The following NAV3 variants were observed in gnomAD, a reference collection of about 807,000 sequenced individuals.
The protein encoded by NAV3 is pore membrane and/or filament interacting like protein 1.
NAV3 carries 87 observed loss-of-function variants against 244.7 expected under a neutral mutation model. The observed-to-expected ratio is 0.36, with a 90% CI of 0.30 to 0.42. The LOEUF (loss-of-function observed/expected upper bound fraction) is 0.42, where lower values mean the gene tolerates loss of function less well. Among genes scored for constraint, NAV3 ranks in the 20% least tolerant of loss-of-function variants. The pLI is 1.00. For missense variants in NAV3, 2,663 were observed against 2,893.3 expected, an observed-to-expected ratio of 0.92 and a Z score of 1.83; for synonymous variants, 1,126 against 1,042.2, an observed-to-expected ratio of 1.08 and a Z score of -1.55.
intron 2 of NAV3, among the ~76,000 whole-genome samples, chr12:77,579,336 C>T (rs1395784266): frequency 1.3e-5 from 2 of 152,180 alleles, no homozygotes; most frequent in East Asian, 3.9e-4. Flanking sequence ...AGTGGTGGTG[C>T]CCATGACTCT....
intron 2 of NAV3, among the ~76,000 whole-genome samples, chr12:77,648,515 C>A (rs1253050088): frequency 1.3e-5 from 2 of 152,004 alleles, no homozygotes; most frequent in African/African-American, 4.8e-5. Flanking sequence ...CTAGTTGAAC[C>A]AGGGCCAAAC....
chr12:77,689,001 G>A (rs1167914719), intron 2 of NAV3, among the ~76,000 whole-genome samples: 7 of 151,902 alleles, frequency 4.6e-5, no homozygotes, highest in African/African-American at 1.7e-4. Flanking sequence ...AGGATAATAG[G>A]AAGTGGGTAA....
At chr12:77,766,424 T>G (rs1869755039) in intron 2 of NAV3, among the ~76,000 whole-genome samples, 1 of 152,190 alleles carries the variant, frequency 6.6e-6, no homozygotes, top group East Asian at 1.9e-4. Flanking sequence ...GGCTCACACT[T>G]TCTCTAGTGG....
chr12:77,655,199 A>C (rs2137007941), intron 2 of NAV3, among the ~76,000 whole-genome samples: 1 of 152,276 alleles, frequency 6.6e-6, no homozygotes, highest in Admixed American at 6.5e-5. Flanking sequence ...AAGAAGATAA[A>C]AACTTTGAAA....
chr12:78,034,535 TC>T (rs1167825331), intron 9 of NAV3, among the ~76,000 whole-genome samples: 1 of 152,174 alleles, frequency 6.6e-6, no homozygotes, highest in African/African-American at 2.4e-5. Context: ...GTATAAGCAG[TC>T]TTGAATAAGG....
intron 2 of NAV3, among the ~76,000 whole-genome samples, chr12:77,602,208 T>C (rs1870465836): frequency 6.6e-6 from 1 of 151,946 alleles, no homozygotes; most frequent in South Asian, 2.1e-4. Flanking sequence ...CTGGGAATTA[T>C]AGTCTCCAGT....
chr12:77,711,297 G>A (rs1274788678), intron 2 of NAV3, among the ~76,000 whole-genome samples: 1 of 152,210 alleles, frequency 6.6e-6, no homozygotes, highest in African/African-American at 2.4e-5. Flanking sequence ...GTGGATTGAA[G>A]TGGAGGCTTT....
intron 2 of NAV3, among the ~76,000 whole-genome samples, chr12:77,816,871 C>T (rs748166328): frequency 6.6e-5 from 10 of 152,126 alleles, no homozygotes; most frequent in Admixed American, 1.3e-4. Flanking sequence ...TAAACTATGG[C>T]AGGATAAGCT....
At chr12:77,813,030 C>T (rs778074587) in intron 2 of NAV3, among the ~76,000 whole-genome samples, 2 of 152,010 alleles carry the variant, frequency 1.3e-5, no homozygotes, top group African/African-American at 2.4e-5. Flanking sequence ...ACCATGTTGG[C>T]CAGGCTGGTT....
intron 35 of NAV3, among the ~76,000 whole-genome samples, chr12:78,197,840 G>A (rs989679826): frequency 4.6e-5 from 7 of 151,800 alleles, no homozygotes; most frequent in African/African-American, 1.7e-4. Context: ...AACAACGTTG[G>A]AATAGTTTTA....
chr12:77,831,287 A>G lies in NAV3; in HGVS notation c.-175A>G, dbSNP rs1232467663. 2 of 568,570 alleles carry G rather than the reference A, an allele frequency of 3.5e-6. No homozygotes were observed. Among genetic ancestry groups the G allele is most frequent in the Non-Finnish European group, 6.0e-6 (2 of 334,432 alleles). The allele number at this position is 568,570 out of a possible 1,614,324, so 35.2% of individuals were successfully genotyped here. ...AGCAAGAAAGAAAAGATACTTAACT[A>G]AAGATGCAGGGAAGTTTTGCCTCTT... On this transcript the variant is annotated 5_prime_UTR_variant, in exon 1 of 40. Coordinates refer to ENST00000397909, the MANE Select transcript of NAV3 (RefSeq NM_001024383.2).
In NAV3 at chr12:77,801,449, G is replaced by A. The variant is rs202098706; in HGVS notation, c.73-138870G>A. Among the ~76,000 whole-genome samples, 16 of 152,154 alleles carry A rather than the reference G, an allele frequency of 1.1e-4. No individual in the cohort carries two copies. The East Asian group carries it at 3.1e-3, about 29-fold the overall frequency. Reference sequence around the variant, plus strand: ...CTCTCACACTATACATGCTGAGAAAGAGGGGAGTTTTTGTTTTTTTCCATT... The same window carrying A: ...CTCTCACACTATACATGCTGAGAAAAAGGGGAGTTTTTGTTTTTTTCCATT... On this transcript the variant is annotated intron_variant, in intron 2 of 8. Transcript: ENST00000550042.
intron 2 of NAV3, among the ~76,000 whole-genome samples, chr12:77,673,204 C>G (rs1030580557): frequency 1.3e-5 from 2 of 152,060 alleles, no homozygotes; most frequent in East Asian, 3.9e-4. Context: ...GTGTTTCTCT[C>G]AAAACTCCAT....
At chr12:78,186,926 G>A (rs1958746867) in intron 31 of NAV3, among the ~76,000 whole-genome samples, 1 of 151,816 alleles carries the variant, frequency 6.6e-6, no homozygotes, top group Non-Finnish European at 1.5e-5. Flanking sequence ...TAGGTAGGAA[G>A]AGAGAAAGAC....
chr12:78,174,565 T>C (rs957251188), intron 24 of NAV3, among the ~76,000 whole-genome samples: 2 of 151,932 alleles, frequency 1.3e-5, no homozygotes, highest in Non-Finnish European at 2.9e-5. Flanking sequence ...ATCAAGCATA[T>C]TGTAAAACCT....
At chr12:78,017,614 T>C (rs1010657785) in intron 8 of NAV3, among the ~76,000 whole-genome samples, 1 of 152,122 alleles carries the variant, frequency 6.6e-6, no homozygotes, top group Non-Finnish European at 1.5e-5. Context: ...CTTTTTCCAG[T>C]TAATAGGAAG....
intron 19 of NAV3, among the ~76,000 whole-genome samples, chr12:78,139,174 C>T (rs1027817617): frequency 1.3e-5 from 2 of 152,004 alleles, no homozygotes; most frequent in African/African-American, 4.8e-5. Flanking sequence ...AGTTAGAAAA[C>T]TGGGGGTTCT....
chr12:77,889,065 T>A (rs2731429), intron 1 of NAV3, among the ~76,000 whole-genome samples: 18,964 of 152,164 alleles, frequency 0.12, 1,196 homozygotes, highest in East Asian at 0.2. Flanking sequence ...ATGGTTTATT[T>A]TATGTGTCAA....
At chr12:77,595,510 G>T (rs1165997066) in intron 2 of NAV3, among the ~76,000 whole-genome samples, 1 of 152,080 alleles carries the variant, frequency 6.6e-6, no homozygotes, top group Non-Finnish European at 1.5e-5. Flanking sequence ...CTCAAGATTT[G>T]CCAAGAGAGT....
Sources: allele counts gnomAD v4.1 joint callset (sites outside exome capture counted in the v4.1 genomes callset), GRCh38; gene constraint gnomAD v4.1.1; transcripts MANE v1.5; gene names NCBI Gene and HGNC (gene_info 2026-07-23, HGNC 2026-07-21).